The following ATL2 variants were observed in gnomAD, a reference collection of about 807,000 sequenced individuals.
ATL2 encodes atlastin-2.
Under a neutral mutation model 73.9 loss-of-function variants are expected in ATL2, and 31 were observed. That is an observed-to-expected ratio of 0.42 (90% CI 0.32 to 0.57). The LOEUF (loss-of-function observed/expected upper bound fraction) is 0.57, where lower values mean the gene tolerates loss of function less well. Ranked by LOEUF, ATL2 falls within the 20% of genes least tolerant of loss-of-function variation. The probability of loss-of-function intolerance (pLI) is 0.14; values close to 1 mark genes in which losing one functional copy is unlikely to be tolerated. For missense variants in ATL2, 738 were observed against 702.6 expected, an observed-to-expected ratio of 1.05 and a Z score of -0.57; for synonymous variants, 291 against 237.5, an observed-to-expected ratio of 1.23 and a Z score of -2.07.
chr2:38,334,178 T>C (rs964834948), intron 2 of ATL2, among the ~76,000 whole-genome samples: 1 of 151,666 alleles, frequency 6.6e-6, no homozygotes, highest in Non-Finnish European at 1.5e-5. Context: ...TACAGGCACC[T>C]GCCACCACCC....
intron 1 of ATL2, chr2:38,376,313 G>T (rs1026144200): frequency 1.6e-6 from 2 of 1,273,216 alleles, no homozygotes; most frequent in African/African-American, 3.0e-5. Context: ...TCTTCGAGGG[G>T]GCAGGGGCGC....
At chr2:38,344,899 C>T (rs76200754) in intron 1 of ATL2, among the ~76,000 whole-genome samples, 6,817 of 152,252 alleles carry the variant, frequency 0.045, 501 homozygotes, top group African/African-American at 0.15. Context: ...CATATAAACC[C>T]TTCCTTTGTT....
At chr2:38,353,914 C>T (rs183572136) in intron 1 of ATL2, among the ~76,000 whole-genome samples, 269 of 152,202 alleles carry the variant, frequency 1.8e-3, no homozygotes, top group South Asian at 4.2e-3. Context: ...AAAGTATGGC[C>T]GGGTGCGGTG....
At chr2:38,299,724 C>T (rs756952761) in intron 10 of ATL2, among the ~76,000 whole-genome samples, 7 of 152,058 alleles carry the variant, frequency 4.6e-5, no homozygotes, top group Admixed American at 6.5e-5. Flanking sequence ...CCTTACTGCA[C>T]GAAGTTTTAT....
chr2:38,329,151 G>A (rs1258366885), intron 2 of ATL2, among the ~76,000 whole-genome samples: 6 of 147,608 alleles, frequency 4.1e-5, no homozygotes, highest in Non-Finnish European at 7.5e-5. Context: ...AAAAGGCCAG[G>A]CGTGGTAGCT....
At chr2:38,364,963 G>A (rs957567537) in intron 1 of ATL2, among the ~76,000 whole-genome samples, 15 of 151,886 alleles carry the variant, frequency 9.9e-5, no homozygotes, top group African/African-American at 3.6e-4. Flanking sequence ...AGAATGGCGT[G>A]AACCCGGGAG....
At chr2:38,376,307 C>T (rs1671962234) in intron 1 of ATL2, 1 of 1,308,714 alleles carries the variant, frequency 7.6e-7, no homozygotes. Context: ...ACTGCGTCTT[C>T]GAGGGGGCAG....
chr2:38,376,035 T>C, intron 1 of ATL2: 2 of 1,372,932 alleles, frequency 1.5e-6, no homozygotes, highest in Non-Finnish European at 1.9e-6. Context: ...GCAAAACCTT[T>C]ACACACCGTA....
intron 1 of ATL2, among the ~76,000 whole-genome samples, chr2:38,367,570 G>A (rs377134137): frequency 1.5e-5 from 2 of 130,368 alleles, no homozygotes; most frequent in African/African-American, 2.8e-5. Context: ...ACTCCAGCCC[G>A]GGGAACAGAG....
chr2:38,350,698 TG>T (rs2124434575), intron 1 of ATL2, among the ~76,000 whole-genome samples: 1 of 152,198 alleles, frequency 6.6e-6, no homozygotes, highest in Admixed American at 6.5e-5. Flanking sequence ...AGTGTGTATA[TG>T]GAGTGGCAGG....
chr2:38,367,763 G>C (rs1381024788), intron 1 of ATL2, among the ~76,000 whole-genome samples: 1 of 150,822 alleles, frequency 6.6e-6, no homozygotes, highest in East Asian at 2.0e-4. Context: ...CTCTGGAGTA[G>C]CTGGGATTAC....
At chr2:38,315,238 C>G (rs753068589) in intron 5 of ATL2, 46 bp downstream of exon 5, 2 of 1,414,020 alleles carry the variant, frequency 1.4e-6, no homozygotes, top group Non-Finnish European at 1.8e-6. Context: ...GGAACAAGAG[C>G]GAAACTCCAT....
intron 2 of ATL2, among the ~76,000 whole-genome samples, chr2:38,337,687 T>G (rs1669451467): frequency 6.6e-6 from 1 of 151,802 alleles, no homozygotes; most frequent in African/African-American, 2.4e-5. Context: ...ATATATAAGG[T>G]GTAGACTGAG....
intron 2 of ATL2, among the ~76,000 whole-genome samples, chr2:38,330,720 AT>A (rs771346321): frequency 4.7e-4 from 72 of 152,264 alleles, no homozygotes; most frequent in Non-Finnish European, 7.2e-4. Flanking sequence ...CTATAAAAAA[AT>A]GTTTGGATCT....
intron 2 of ATL2, among the ~76,000 whole-genome samples, chr2:38,320,190 A>C (rs1458190646): frequency 6.6e-6 from 1 of 152,220 alleles, no homozygotes; most frequent in Non-Finnish European, 1.5e-5. Context: ...TCTATTTAAA[A>C]CGTCTTTTTT....
Position 38,343,471 on chromosome 2 carries a change from C to T in ATL2, c.160G>A (p.Val54Ile). 6.2e-7 allele frequency: 1 copy of T among 1,609,182 alleles called. No individual in the cohort carries two copies. The highest frequency in any genetic ancestry group is 8.5e-7 in the Non-Finnish European group (1 of 1,177,182). ...EDDDLVNSDEVMKKPCPVQIV... is the reference protein window; with the variant it reads ...EDDDLVNSDEIMKKPCPVQIV... The stretch of plus-strand genomic sequence containing the variant: ...TGTACTGGACATGGTTTCTTCATAA[C>T]CTCATCAGAATTTACTAGGTCATCA... Residue 54 changes from valine to isoleucine, a missense_variant, in exon 2 of 13, where the codon GTT (valine) becomes ATT (isoleucine). Physicochemically the swap from Val to Ile is conservative, Grantham distance 29. Coordinates refer to ENST00000378954, the MANE Select transcript of ATL2 (RefSeq NM_001135673.4).
At chr2:38,361,379 A>T (rs146654770) in intron 1 of ATL2, among the ~76,000 whole-genome samples, 1,682 of 151,210 alleles carry the variant, frequency 0.011, 38 homozygotes, top group African/African-American at 0.039. Context: ...AAAAAAATTT[A>T]AATTAAATCA....
At chr2:38,328,550 T>C (rs898836456) in intron 2 of ATL2, among the ~76,000 whole-genome samples, 1 of 152,170 alleles carries the variant, frequency 6.6e-6, no homozygotes, top group Admixed American at 6.5e-5. Context: ...CCCCAAATAG[T>C]TGGAGTTTAA....
chr2:38,303,931 G>A (rs1007101377), intron 9 of ATL2, among the ~76,000 whole-genome samples: 2 of 152,096 alleles, frequency 1.3e-5, no homozygotes, highest in African/African-American at 4.8e-5. Context: ...TGGAGTTCAA[G>A]ACCAGCCTGG....
Sources: gnomAD v4.1 joint callset for allele counts (sites outside exome capture counted in the v4.1 genomes callset) on GRCh38, gnomAD v4.1.1 for gene constraint, MANE v1.5 for transcripts, NCBI Gene and HGNC (gene_info 2026-07-23, HGNC 2026-07-21) for gene names.